TNIK: variants seen among roughly 807,000 people sequenced by gnomAD.
TNIK encodes TRAF2 and NCK-interacting protein kinase.
TNIK carries 49 observed loss-of-function variants against 191.3 expected under a neutral mutation model. The ratio of observed to expected loss-of-function variants is 0.26; its 90% confidence interval spans 0.20 to 0.32. The LOEUF is 0.32. Ranked by LOEUF, TNIK falls within the 10% of genes least tolerant of loss-of-function variation. The probability of loss-of-function intolerance (pLI) is 1.00; values close to 1 mark genes in which losing one functional copy is unlikely to be tolerated. For missense variants in TNIK, 1,155 were observed against 1,702.3 expected, an observed-to-expected ratio of 0.68 and a Z score of 5.66; for synonymous variants, 594 against 600.9, an observed-to-expected ratio of 0.99 and a Z score of 0.17.
intron 12 of TNIK, among the ~76,000 whole-genome samples, chr3:171,142,767 A>C (rs116733054): frequency 1.4e-4 from 22 of 152,366 alleles, no homozygotes; most frequent in Non-Finnish European, 3.2e-4. Flanking sequence ...AACCAAAGTG[A>C]ATCAGTGCCA....
intron 6 of TNIK, among the ~76,000 whole-genome samples, chr3:171,190,234 A>G (rs1182075415): frequency 6.6e-6 from 1 of 152,216 alleles, no homozygotes; most frequent in Non-Finnish European, 1.5e-5. Context: ...TTAAGTATCC[A>G]CTTTGCACGG....
At chr3:171,172,419 T>TA (rs1324201582) in intron 9 of TNIK, among the ~76,000 whole-genome samples, 1 of 152,172 alleles carries the variant, frequency 6.6e-6, no homozygotes, top group African/African-American at 2.4e-5. Context: ...ATAATTAAAA[T>TA]AAAAAACATA....
chr3:171,249,757 T>C (rs1746023189), intron 2 of TNIK, among the ~76,000 whole-genome samples: 1 of 152,188 alleles, frequency 6.6e-6, no homozygotes, highest in Non-Finnish European at 1.5e-5. Flanking sequence ...CATAGCTATT[T>C]ATTTCATCCA....
At chr3:171,221,821 G>A (rs181565242) in intron 3 of TNIK, among the ~76,000 whole-genome samples, 2 of 152,014 alleles carry the variant, frequency 1.3e-5, no homozygotes, top group African/African-American at 2.4e-5. Flanking sequence ...GATAGGGTGA[G>A]TGCAAACTAT....
At chr3:171,103,248 T>C (rs1025603288) in intron 21 of TNIK, among the ~76,000 whole-genome samples, 14 of 152,214 alleles carry the variant, frequency 9.2e-5, no homozygotes, top group African/African-American at 3.4e-4. Flanking sequence ...TTGCTCCATC[T>C]GTGAAAGTGA....
At chr3:171,402,729 T>C (rs561667357) in intron 1 of TNIK, among the ~76,000 whole-genome samples, 1 of 152,168 alleles carries the variant, frequency 6.6e-6, no homozygotes, top group Admixed American at 6.5e-5. Flanking sequence ...CTCCAAAATT[T>C]AGGAATTTTT....
At chr3:171,196,559 G>C (rs1738696333) in intron 4 of TNIK, among the ~76,000 whole-genome samples, 2 of 151,990 alleles carry the variant, frequency 1.3e-5, no homozygotes, top group Non-Finnish European at 2.9e-5. Flanking sequence ...TCAAGACAAA[G>C]AGTTTTTTCA....
intron 1 of TNIK, among the ~76,000 whole-genome samples, chr3:171,381,500 T>G (rs939365394): frequency 2.0e-5 from 3 of 152,182 alleles, no homozygotes; most frequent in African/African-American, 7.2e-5. Context: ...AAAATGACAG[T>G]GTATAGAGCA....
At chr3:171,279,568 A>C (rs573176424) in intron 2 of TNIK, among the ~76,000 whole-genome samples, 12 of 152,322 alleles carry the variant, frequency 7.9e-5, no homozygotes, top group African/African-American at 2.9e-4. Context: ...ATTGGCATCC[A>C]TTTCCAATAC....
chr3:171,452,607 T>C (rs951222876), intron 1 of TNIK, among the ~76,000 whole-genome samples: 1 of 151,966 alleles, frequency 6.6e-6, no homozygotes, highest in African/African-American at 2.4e-5. Flanking sequence ...AGATAAAAAC[T>C]CAACGTTGTC....
In TNIK at chr3:171,062,162, G is replaced by A. The variant is rs913385651; in HGVS notation, c.*1719C>T. ...GTATTTAGGCAAAGTCAGTAAGATC[G>A]TAGTTTTTTTTGTTGTTGTTGTTCC... On this transcript the variant is annotated 3_prime_UTR_variant, in exon 33 of 33. Transcript: ENST00000436636. The A allele has an allele frequency of 3.9e-5, 6 of 152,144 alleles. No individual in the cohort carries two copies. Among genetic ancestry groups the A allele is most frequent in the South Asian group, 2.1e-4 (1 of 4,820 alleles). 9.4% of individuals were successfully genotyped at this position (152,144 alleles called of 1,614,324 possible).
chr3:171,252,307 A>G (rs1450325771), intron 2 of TNIK, among the ~76,000 whole-genome samples: 1 of 152,202 alleles, frequency 6.6e-6, no homozygotes, highest in Non-Finnish European at 1.5e-5. Context: ...ACTATAGATA[A>G]GTGTTCCGAA....
intron 18 of TNIK, among the ~76,000 whole-genome samples, chr3:171,111,564 A>G (rs1405106925): frequency 6.6e-6 from 1 of 152,258 alleles, no homozygotes; most frequent in Admixed American, 6.5e-5. Flanking sequence ...TGTTGGTGAG[A>G]ATGTAAAATA....
intron 1 of TNIK, among the ~76,000 whole-genome samples, chr3:171,402,383 A>C (rs1721058996): frequency 6.6e-6 from 1 of 152,244 alleles, no homozygotes; most frequent in Non-Finnish European, 1.5e-5. Context: ...AGGGTAAGGA[A>C]AAATGTATTC....
At chr3:171,092,521 C>T (rs1198942695) in intron 23 of TNIK, among the ~76,000 whole-genome samples, 1 of 152,218 alleles carries the variant, frequency 6.6e-6, no homozygotes, top group Non-Finnish European at 1.5e-5. Context: ...GCCTTCTACA[C>T]TTCCATTGAA....
chr3:171,393,414 T>C (rs1421831751), intron 1 of TNIK, among the ~76,000 whole-genome samples: 1 of 152,238 alleles, frequency 6.6e-6, no homozygotes, highest in Non-Finnish European at 1.5e-5. Context: ...GCAATTTCCC[T>C]TTAAAAGTGC....
intron 2 of TNIK, among the ~76,000 whole-genome samples, chr3:171,236,608 G>A (rs993733336): frequency 5.9e-5 from 9 of 152,116 alleles, no homozygotes; most frequent in East Asian, 1.9e-4. Context: ...CTCTTTTCCC[G>A]AGCTGGTACT....
At chr3:171,348,657 G>T (rs1054749581) in intron 2 of TNIK, among the ~76,000 whole-genome samples, 10 of 152,048 alleles carry the variant, frequency 6.6e-5, no homozygotes, top group Admixed American at 1.3e-4. Context: ...ACTTTTTGTT[G>T]TTTTATTTTT....
chr3:171,439,886 G>A, intron 1 of TNIK, among the ~76,000 whole-genome samples: 1 of 152,172 alleles, frequency 6.6e-6, no homozygotes, highest in Non-Finnish European at 1.5e-5. Flanking sequence ...GCCCTCAGAA[G>A]CTCAGCATGT....
Sources: allele counts gnomAD v4.1 joint callset (sites outside exome capture counted in the v4.1 genomes callset), GRCh38; gene constraint gnomAD v4.1.1; transcripts MANE v1.5; gene names NCBI Gene and HGNC (gene_info 2026-07-23, HGNC 2026-07-21).